PTPN22: variants seen among roughly 807,000 people sequenced by gnomAD.
The protein encoded by PTPN22 is tyrosine-protein phosphatase non-receptor type 22.
In PTPN22, 85 loss-of-function variants were observed where a neutral mutation model predicts 103.3. That is an observed-to-expected ratio of 0.82 (90% CI 0.69 to 0.99). The LOEUF (loss-of-function observed/expected upper bound fraction) is 0.99, where lower values mean the gene tolerates loss of function less well. PTPN22 is among the 50% of genes least tolerant of loss of function. The pLI is 0.00. For synonymous variants in PTPN22, 323 were observed against 310.2 expected, an observed-to-expected ratio of 1.04 and a Z score of -0.43; for missense variants, 865 against 936.9, an observed-to-expected ratio of 0.92 and a Z score of 1.00.
intron 1 of PTPN22, among the ~76,000 whole-genome samples, chr1:113,867,119 A>C (rs1345879565): frequency 6.6e-6 from 1 of 152,216 alleles, no homozygotes; most frequent in African/African-American, 2.4e-5. Flanking sequence ...TTAACTTTCA[A>C]TAATATTGTT....
At chr1:113,856,748 C>A in intron 5 of PTPN22, 129 bp from the exon 6 acceptor site, 1 of 1,128,002 alleles carries the variant, frequency 8.9e-7, no homozygotes, top group Non-Finnish European at 1.3e-6. Flanking sequence ...CTTTGGGCTT[C>A]AACCCCTACA....
At chr1:113,839,286 C>T (rs532790572) in intron 11 of PTPN22, among the ~76,000 whole-genome samples, 27 of 152,142 alleles carry the variant, frequency 1.8e-4, no homozygotes, top group Admixed American at 9.8e-4. Flanking sequence ...CGCTGTATTG[C>T]CCAGTCTGGC....
intron 11 of PTPN22, among the ~76,000 whole-genome samples, chr1:113,848,217 T>A (rs1460447661): frequency 1.1e-5 from 1 of 89,892 alleles, no homozygotes; most frequent in Non-Finnish European, 3.1e-5. Flanking sequence ...CCTGGCTAAA[T>A]TTTTTTTTTT....
chr1:113,855,473 C>A, intron 7 of PTPN22, among the ~76,000 whole-genome samples: 1 of 132,206 alleles, frequency 7.6e-6, no homozygotes, highest in Non-Finnish European at 1.5e-5. Context: ...CTCCACACTC[C>A]AGACTGGGTG....
At chr1:113,834,493 C>CA in intron 14 of PTPN22, 54 bp from the exon 15 acceptor site, 1 of 1,531,900 alleles carries the variant, frequency 6.5e-7, no homozygotes, top group African/African-American at 1.4e-5. Context: ...TTTTAGACAT[C>CA]AAATGTTGCT....
In PTPN22 at chr1:113,858,554, GC is replaced by G; in HGVS notation, c.292del (p.Ala98LeufsTer19). ...TAAAGGACCCTGGGTGGCAATATAAGCCTTGGGTCCATAAACTCCCTAAAGG... is the reference window on the plus strand; with the variant it reads ...TAAAGGACCCTGGGTGGCAATATAAGCTTGGGTCCATAAACTCCCTAAAGG... On this transcript the variant is annotated frameshift_variant, in exon 4 of 21. Coordinates refer to ENST00000359785, the Ensembl canonical transcript of PTPN22. LOFTEE classifies it high-confidence loss of function. The G allele has an allele frequency of 1.9e-6, 3 of 1,596,032 alleles. No individual in the cohort carries two copies. Among genetic ancestry groups the G allele is most frequent in the Non-Finnish European group, 2.6e-6 (3 of 1,168,550 alleles).
intron 16 of PTPN22, among the ~76,000 whole-genome samples, chr1:113,831,205 CTAAATTCCTCTGCCTAACTTTGGGTG>C (rs1272966379): frequency 2.6e-5 from 4 of 152,152 alleles, no homozygotes; most frequent in African/African-American, 4.8e-5. Context: ...TACATTAAAT[CTAAATTCCTCTGCCTAACTTTGGGTG>C]TAAATTCCTC....
intron 1 of PTPN22, among the ~76,000 whole-genome samples, chr1:113,864,628 A>G (rs1665955870): frequency 6.6e-6 from 1 of 151,318 alleles, no homozygotes; most frequent in Non-Finnish European, 1.5e-5. Context: ...AAAAAAAAAA[A>G]AAAAAGGCCA....
At chr1:113,871,466 G>C in intron 1 of PTPN22, 71 bp downstream of exon 1, 1 of 1,336,176 alleles carries the variant, frequency 7.5e-7, no homozygotes. Flanking sequence ...TTTGGTCTCG[G>C]AAAATTGGAC....
At chr1:113,830,156 T>A in intron 16 of PTPN22, 127 bp from the exon 17 acceptor site, 1 of 714,334 alleles carries the variant, frequency 1.4e-6, no homozygotes, top group Non-Finnish European at 2.3e-6. Flanking sequence ...AATAAAATAT[T>A]ATCTGAAAAA....
rs74163663 is a variant in PTPN22, at chr1:113,829,600, T to C, written c.2242A>G (p.Arg748Gly). The change falls in exon 18 of 21, where the codon AGG (arginine) becomes GGG (glycine). Residue 748 changes from arginine (R) to glycine (G), a missense_variant. Arg to Gly is a moderately radical substitution (Grantham distance 125). Transcript: ENST00000359785. Reference sequence around the variant, plus strand: ...ACTCTTATCTTCTTTACCTTACTCCTTGTGAAACTTTTTCCAGGAGTCTTC... The same window carrying C: ...ACTCTTATCTTCTTTACCTTACTCCCTGTGAAACTTTTTCCAGGAGTCTTC... The C allele has an allele frequency of 5.5e-4, 866 of 1,586,510 alleles. 1 individual carries two copies. Among genetic ancestry groups the C allele is most frequent in the Non-Finnish European group, 6.4e-4 (740 of 1,161,008 alleles).
At chr1:113,845,749 G>A (rs1049391530) in intron 11 of PTPN22, among the ~76,000 whole-genome samples, 2 of 152,188 alleles carry the variant, frequency 1.3e-5, no homozygotes, top group Admixed American at 1.3e-4. Context: ...GGCTATGACT[G>A]TGAATCATCT....
In PTPN22 at chr1:113,838,419, AG is replaced by A. The variant is rs775748609; in HGVS notation, c.993-13del. The A allele has an allele frequency of 7.6e-6, 12 of 1,581,404 alleles. No homozygotes were observed. In the South Asian group the frequency reaches 1.4e-4, roughly 18 times the overall value. ...CTGCTTTTGTGGTACTAAAACAAAAAGAAAGCGTAATGATGACACCATACCC... is the reference window on the plus strand; with the variant it reads ...CTGCTTTTGTGGTACTAAAACAAAAAAAAGCGTAATGATGACACCATACCC... On this transcript the variant is annotated splice_polypyrimidine_tract_variant and intron_variant, in intron 12 of 20. Transcript: ENST00000359785.
At chr1:113,830,772 A>G (rs1330042251) in intron 16 of PTPN22, among the ~76,000 whole-genome samples, 2 of 152,200 alleles carry the variant, frequency 1.3e-5, no homozygotes, top group Non-Finnish European at 2.9e-5. Flanking sequence ...ATTTCTGAAG[A>G]TACAGATGGT....
chr1:113,815,041 G>A, intron 20 of PTPN22, 72 bp from the exon 21 acceptor site: 1 of 1,100,696 alleles, frequency 9.1e-7, no homozygotes, highest in Non-Finnish European at 1.3e-6. Context: ...GGATTTTAGA[G>A]TATATTATAA....
chr1:113,871,667 G>C, exon 1 of PTPN22: 1 of 1,560,336 alleles, frequency 6.4e-7, no homozygotes, highest in Non-Finnish European at 8.8e-7. Context: ...TTGAGGGAGG[G>C]CATGTCAAAT....
upstream of PTPN22, chr1:113,871,743 T>C (rs912601274): frequency 6.3e-6 from 5 of 796,494 alleles, no homozygotes; most frequent in African/African-American, 3.4e-5. Context: ...TGCTGAAGGC[T>C]GTGGTTTACT....
intron 4 of PTPN22, chr1:113,858,052 A>G (rs1422446359): frequency 8.5e-6 from 2 of 236,272 alleles, no homozygotes; most frequent in Admixed American, 5.6e-5. Context: ...TATTTTTATT[A>G]TTTTTTAAAA....
At chr1:113,825,143 C>T in exon 19 of PTPN22, 1 of 1,506,086 alleles carries the variant, frequency 6.6e-7, no homozygotes, top group Non-Finnish European at 9.1e-7. Context: ...CCAACTTACT[C>T]TTTTTCATGT....
Sources: allele counts gnomAD v4.1 joint callset (sites outside exome capture counted in the v4.1 genomes callset), GRCh38; gene constraint gnomAD v4.1.1; transcripts MANE v1.5; gene names NCBI Gene and HGNC (gene_info 2026-07-23, HGNC 2026-07-21).